OPTN: variants seen among roughly 807,000 people sequenced by gnomAD.
OPTN encodes the protein optineurin.
A neutral mutation model predicts 70.4 loss-of-function variants in OPTN; 54 were observed. The ratio of observed to expected loss-of-function variants is 0.77; its 90% CI spans 0.62 to 0.96. The LOEUF (loss-of-function observed/expected upper bound fraction) is 0.96, where lower values mean the gene tolerates loss of function less well. OPTN is among the 40% of genes least tolerant of loss of function. The pLI, the probability that OPTN is intolerant of heterozygous loss-of-function variation, is 0.00. For missense variants in OPTN, 624 were observed against 673.2 expected (o/e 0.93, Z 0.81); for synonymous variants, 256 against 248.5 (o/e 1.03, Z -0.28).
At chr10:13,114,742 TTCTACA>T (rs1833084931) in intron 5 of OPTN, among the ~76,000 whole-genome samples, 1 of 129,268 alleles carries the variant, frequency 7.7e-6, no homozygotes, top group Admixed American at 8.7e-5. Context: ...GTAGAATATA[TTCTACA>T]ATTATATAAT....
intron 12 of OPTN, among the ~76,000 whole-genome samples, chr10:13,128,893 C>G (rs1833531657): frequency 6.6e-6 from 1 of 151,976 alleles, no homozygotes; most frequent in Non-Finnish European, 1.5e-5. Flanking sequence ...ACATACAAGT[C>G]TTTGTCAGTT....
chr10:13,136,796 GC>G lies in OPTN; in HGVS notation c.1668del (p.Lys557SerfsTer9). The G allele has an allele frequency of 4.3e-6, 7 of 1,614,178 alleles. No homozygotes were observed. Among genetic ancestry groups the G allele is most frequent in the Non-Finnish European group, 5.9e-6 (7 of 1,180,024 alleles). On this transcript the variant is annotated frameshift_variant, in exon 15 of 15. Transcript: ENST00000378747. LOFTEE classifies it high-confidence loss of function. ...CAGCGGAATATTCCGATTCATTCCT[GC>G]CCCAAGTGTGGAGAGGTTCTGCCTG... ...RQQRNIPIHSCPKCGEVLPDI... is the reference protein window; with the variant it reads ...RQQRNIPIHSXPKCGEVLPDI...
At chr10:13,115,483 T>G (rs1210230671) in intron 5 of OPTN, among the ~76,000 whole-genome samples, 1,453 of 105,082 alleles carry the variant, frequency 0.014, 100 homozygotes, top group African/African-American at 0.063. Context: ...ATATATAATA[T>G]ATTCTATATT....
At chr10:13,106,055 AAC>A (rs1373272021) in intron 1 of OPTN, among the ~76,000 whole-genome samples, 1 of 152,232 alleles carries the variant, frequency 6.6e-6, no homozygotes, top group African/African-American at 2.4e-5. Flanking sequence ...GATGAAACCA[AAC>A]ACACTTCTAA....
intron 12 of OPTN, 76 bp downstream of exon 12, chr10:13,127,979 T>C: frequency 6.7e-7 from 1 of 1,494,332 alleles, no homozygotes; most frequent in Non-Finnish European, 9.3e-7. Context: ...CAATGGTGTT[T>C]AGAATGTTTG....
intron 7 of OPTN, among the ~76,000 whole-genome samples, chr10:13,119,666 C>T (rs185095515): frequency 7.5e-4 from 114 of 152,280 alleles, no homozygotes; most frequent in African/African-American, 2.5e-3. Flanking sequence ...TGCATTCCCA[C>T]CAGCAGTGCA....
At chr10:13,107,387 C>CTT (rs869161209) in intron 1 of OPTN, among the ~76,000 whole-genome samples, 6 of 117,186 alleles carry the variant, frequency 5.1e-5, no homozygotes, top group South Asian at 3.0e-4. Flanking sequence ...CCAAAACAGT[C>CTT]TTTTTTTTTT....
chr10:13,109,353 C>T, intron 3 of OPTN, 65 bp downstream of exon 3: 2 of 1,550,630 alleles, frequency 1.3e-6, no homozygotes, highest in South Asian at 1.1e-5. Flanking sequence ...CATCCCTTTG[C>T]ACTAAGGCTT....
At chr10:13,125,010 T>G (rs1028735486) in intron 9 of OPTN, among the ~76,000 whole-genome samples, 1 of 152,252 alleles carries the variant, frequency 6.6e-6, no homozygotes, top group African/African-American at 2.4e-5. Flanking sequence ...TTTTCCCTTA[T>G]TGAATCTTTG....
intron 6 of OPTN, among the ~76,000 whole-genome samples, chr10:13,117,001 T>C (rs1214344401): frequency 1.3e-5 from 2 of 152,006 alleles, no homozygotes; most frequent in African/African-American, 2.4e-5. Context: ...AGGAGACTGC[T>C]AGCTCGCCTT....
chr10:13,109,383 C>T (rs780274799), intron 3 of OPTN, 95 bp downstream of exon 3: 183 of 1,295,584 alleles, frequency 1.4e-4, no homozygotes, highest in Non-Finnish European at 1.7e-4. Context: ...CTCCCTTCTC[C>T]CCGTTTCCAT....
chr10:13,110,955 G>A (rs1222750847), intron 4 of OPTN, among the ~76,000 whole-genome samples: 2 of 152,168 alleles, frequency 1.3e-5, no homozygotes, highest in Non-Finnish European at 2.9e-5. Context: ...TGTGGTAGGA[G>A]GCTATCGCAT....
In OPTN at chr10:13,137,001, C is replaced by T. The variant is rs1260810494; in HGVS notation, c.*135C>T. 27 of 1,154,886 alleles carry T rather than the reference C, an allele frequency of 2.3e-5. No individual in the cohort carries two copies. Among genetic ancestry groups the T allele is most frequent in the Middle Eastern group, 2.3e-4 (1 of 4,394 alleles). The allele number at this position is 1,154,886 out of a possible 1,614,324, so 71.5% of individuals were successfully genotyped here. Reference sequence around the variant, plus strand: ...TTGTTTTAAAAGAAAGAAAACAGGCCGGGCACAGTGGCTCATGCCTGTAAT... The same window carrying T: ...TTGTTTTAAAAGAAAGAAAACAGGCTGGGCACAGTGGCTCATGCCTGTAAT... On this transcript the variant is annotated 3_prime_UTR_variant, in exon 15 of 15. Coordinates refer to ENST00000378747, the MANE Select transcript of OPTN (RefSeq NM_001008212.2).
chr10:13,136,792 T>C lies in OPTN; in HGVS notation c.1660T>C (p.Ser554Pro). ...WRQQRNIPIHSCPKCGEVLPD... is the reference protein window; with the variant it reads ...WRQQRNIPIHPCPKCGEVLPD... ...GCAACAGCGGAATATTCCGATTCAT[T>C]CCTGCCCCAAGTGTGGAGAGGTTCT... Residue 554 changes from serine (S) to proline (P), a missense_variant, in exon 15 of 15, where the codon TCC (serine) becomes CCC (proline). Coordinates refer to ENST00000378747, the MANE Select transcript of OPTN (RefSeq NM_001008212.2). The C allele has an allele frequency of 1.2e-6, 2 of 1,614,206 alleles. No homozygotes were observed.
chr10:13,112,360 C>A, intron 4 of OPTN, 93 bp from the exon 5 acceptor site: 1 of 1,234,642 alleles, frequency 8.1e-7, no homozygotes, highest in Non-Finnish European at 1.2e-6. Flanking sequence ...CCTCCCACTT[C>A]AGCCTCCCAG....
intron 1 of OPTN, among the ~76,000 whole-genome samples, chr10:13,103,108 A>T (rs529319159): frequency 1.3e-5 from 2 of 152,156 alleles, no homozygotes; most frequent in African/African-American, 4.8e-5. Context: ...GTATATTACT[A>T]AAATACGAAG....
At chr10:13,117,054 T>G (rs1833225392) in intron 6 of OPTN, among the ~76,000 whole-genome samples, 1 of 151,706 alleles carries the variant, frequency 6.6e-6, no homozygotes, top group East Asian at 1.9e-4. Context: ...CAAGAGACGA[T>G]TGTCTGAAAA....
intron 1 of OPTN, among the ~76,000 whole-genome samples, chr10:13,102,087 A>G (rs1287020500): frequency 1.3e-5 from 2 of 152,234 alleles, no homozygotes; most frequent in African/African-American, 4.8e-5. Flanking sequence ...GGAACAGTTC[A>G]TATGACACAG....
At position 13,138,115 on chromosome 10, in the gene OPTN, A is replaced by C. The variant is rs976121559; in HGVS notation, c.*1249A>C. ...GGATATGAGCAGATCCCTTTACTGG[A>C]GCCCAGTATGTGCTGTGTGAGTTAG... On this transcript the variant is annotated 3_prime_UTR_variant, in exon 15 of 15. Transcript: ENST00000378747. 15 of 196,610 alleles carry C rather than the reference A, an allele frequency of 7.6e-5. No homozygotes were observed. Among genetic ancestry groups the C allele is most frequent in the Non-Finnish European group, 1.5e-4 (14 of 94,872 alleles). The allele number at this position is 196,610 out of a possible 1,614,324, so 12.2% of individuals were successfully genotyped here.
Sources: gnomAD v4.1 joint callset for allele counts (sites outside exome capture counted in the v4.1 genomes callset) on GRCh38, gnomAD v4.1.1 for gene constraint, MANE v1.5 for transcripts, NCBI Gene and HGNC (gene_info 2026-07-23, HGNC 2026-07-21) for gene names.